The following RERE variants were observed in gnomAD, a reference collection of about 807,000 sequenced individuals.
The protein encoded by RERE is arginine-glutamic acid dipeptide repeats.
In RERE, 40 loss-of-function variants were observed where a neutral mutation model predicts 146.1. That is an observed-to-expected ratio of 0.27 (90% CI 0.21 to 0.36). The LOEUF is 0.36. Among genes scored for constraint, RERE ranks in the 10% least tolerant of loss-of-function variants. The pLI, the probability that RERE is intolerant of heterozygous loss-of-function variation, is 1.00. For synonymous variants in RERE, 1,003 were observed against 866.0 expected (o/e 1.16, Z -2.78); for missense variants, 1,933 against 2,138.7 (o/e 0.90, Z 1.90).
chr1:8,656,261 T>C lies in RERE; in HGVS notation c.37A>G (p.Lys13Glu), dbSNP rs1638294254. Residue 13 changes from lysine (K) to glutamate (E), a missense_variant, in exon 2 of 23, where the codon AAG becomes GAG. Lys to Glu is a moderately conservative substitution (Grantham distance 56). Transcript: ENST00000400908. Reference sequence around the variant, plus strand: ...CGGTCCCGGTCTCGGTCCCGGTCCTTCTCTTTGTCTTTGTCTTTGTCTTTG... The same window carrying C: ...CGGTCCCGGTCTCGGTCCCGGTCCTCCTCTTTGTCTTTGTCTTTGTCTTTG... ...ADKDKDKDKE[K>E]DRDRDRDRER... is the part of the protein sequence containing the mutation. 2 of 1,602,728 alleles carry C rather than the reference T, an allele frequency of 1.2e-6. No homozygotes were observed. Among genetic ancestry groups the C allele is most frequent in the Admixed American group, 1.7e-5 (1 of 59,824 alleles).
chr1:8,381,318 T>C (rs1418237460), intron 12 of RERE, among the ~76,000 whole-genome samples: 2 of 152,148 alleles, frequency 1.3e-5, no homozygotes, highest in Non-Finnish European at 1.5e-5. Context: ...CCTTGTAACC[T>C]GCGCAATCAT....
At chr1:8,424,463 C>T (rs906586520) in intron 11 of RERE, among the ~76,000 whole-genome samples, 2 of 152,208 alleles carry the variant, frequency 1.3e-5, no homozygotes, top group African/African-American at 4.8e-5. Flanking sequence ...TGAGATATGA[C>T]TCATCATTGT....
At chr1:8,368,929 G>A (rs1641922646) in intron 12 of RERE, among the ~76,000 whole-genome samples, 1 of 152,034 alleles carries the variant, frequency 6.6e-6, no homozygotes, top group South Asian at 2.1e-4. Flanking sequence ...TCTGGGCATG[G>A]TGGTGTGCAC....
intron 3 of RERE, among the ~76,000 whole-genome samples, chr1:8,616,189 G>A (rs114151643): frequency 0.015 from 2,320 of 152,266 alleles, 61 homozygotes; most frequent in African/African-American, 0.053. Flanking sequence ...CAAATTAAGG[G>A]TTTTAAATCA....
At chr1:8,752,840 C>T (rs1470579255) in intron 1 of RERE, among the ~76,000 whole-genome samples, 1 of 151,890 alleles carries the variant, frequency 6.6e-6, no homozygotes, top group Non-Finnish European at 1.5e-5. Context: ...TATTACATTA[C>T]AAAGAAAAAT....
intron 19 of RERE, among the ~76,000 whole-genome samples, chr1:8,359,490 AG>A (rs1446493568): frequency 6.6e-6 from 1 of 152,196 alleles, no homozygotes; most frequent in Non-Finnish European, 1.5e-5. Context: ...AGGCTGCAGG[AG>A]AAGGACAGGC....
chr1:8,574,340 C>CTTTTTTTTTTTTTTTT (rs35921166), intron 4 of RERE, among the ~76,000 whole-genome samples: 1 of 87,218 alleles, frequency 1.1e-5, no homozygotes, highest in African/African-American at 4.7e-5. Flanking sequence ...TATATATAGT[C>CTTTTTTTTTTTTTTTT]TTTTTTTTTT....
chr1:8,365,691 A>G, intron 13 of RERE, 121 bp downstream of exon 13: 1 of 1,108,504 alleles, frequency 9.0e-7, no homozygotes, highest in African/African-American at 1.6e-5. Flanking sequence ...CATGCACTGG[A>G]GCACGGGTGC....
At chr1:8,757,442 C>T (rs1463461179) in intron 1 of RERE, among the ~76,000 whole-genome samples, 1 of 152,174 alleles carries the variant, frequency 6.6e-6, no homozygotes, top group African/African-American at 2.4e-5. Context: ...TACTGCATCA[C>T]TAATGTAATA....
Position 8,455,955 on chromosome 1 carries a change from G to C in RERE, c.1203+9970C>G, listed in dbSNP as rs1049248508. On this transcript the variant is annotated intron_variant, in intron 11 of 22. Coordinates refer to ENST00000400908, the MANE Select transcript of RERE (RefSeq NM_001042681.2). ...CTCAGAAGAACGAGTGTTGGGGAAAGAAGAATATCAGAACACTACTAGGGA... is the reference window on the plus strand; with the variant it reads ...CTCAGAAGAACGAGTGTTGGGGAAACAAGAATATCAGAACACTACTAGGGA... 1.3e-4 allele frequency among the ~76,000 whole-genome samples: 20 copies of C among 152,296 alleles called. No homozygotes were observed. In the South Asian group the frequency reaches 1.9e-3, roughly 14 times the overall value.
intron 4 of RERE, among the ~76,000 whole-genome samples, chr1:8,560,597 T>C (rs1053525609): frequency 6.6e-6 from 1 of 152,178 alleles, no homozygotes; most frequent in African/African-American, 2.4e-5. Context: ...TCCCCTTTTC[T>C]GTAAAAAGGA....
At chr1:8,744,557 T>A (rs964307263) in intron 1 of RERE, among the ~76,000 whole-genome samples, 4 of 152,160 alleles carry the variant, frequency 2.6e-5, no homozygotes, top group Non-Finnish European at 5.9e-5. Context: ...ATAGAAAAAG[T>A]ATACCAACCA....
chr1:8,610,450 A>G (rs777911364), intron 4 of RERE, among the ~76,000 whole-genome samples: 3 of 152,042 alleles, frequency 2.0e-5, no homozygotes, highest in Non-Finnish European at 2.9e-5. Flanking sequence ...TTAGCCAGGC[A>G]TGGTGGTGGA....
intron 1 of RERE, among the ~76,000 whole-genome samples, chr1:8,769,294 T>C (rs1024367959): frequency 2.0e-5 from 3 of 152,016 alleles, no homozygotes. Context: ...TATAGAAGAT[T>C]TAAAATACTG....
chr1:8,359,650 A>G, intron 19 of RERE, 114 bp downstream of exon 19: 1 of 1,170,502 alleles, frequency 8.5e-7, no homozygotes, highest in East Asian at 2.3e-5. Flanking sequence ...CCAACCCTCT[A>G]GCTGCCAGGA....
chr1:8,760,119 G>C (rs553383034), intron 1 of RERE, among the ~76,000 whole-genome samples: 1 of 151,958 alleles, frequency 6.6e-6, no homozygotes, highest in African/African-American at 2.4e-5. Context: ...TCTGCCTCCC[G>C]GGTTCAAGCA....
intron 1 of RERE, among the ~76,000 whole-genome samples, chr1:8,783,150 A>G (rs1412444758): frequency 6.6e-6 from 1 of 152,150 alleles, no homozygotes; most frequent in East Asian, 1.9e-4. Context: ...CCTGGGCAAC[A>G]TAGTGAGACC....
chr1:8,564,903 TA>T (rs1420541243), intron 4 of RERE, among the ~76,000 whole-genome samples: 22 of 149,660 alleles, frequency 1.5e-4, no homozygotes, highest in Admixed American at 1.4e-3. Flanking sequence ...ATTCAGTCTT[TA>T]AAAAGAAGAC....
chr1:8,693,607 T>C (rs369000866), intron 1 of RERE, among the ~76,000 whole-genome samples: 1 of 151,990 alleles, frequency 6.6e-6, no homozygotes. Flanking sequence ...GAGGGATGAA[T>C]AGGGAGAACA....
Sources: allele counts gnomAD v4.1 joint callset (sites outside exome capture counted in the v4.1 genomes callset), GRCh38; gene constraint gnomAD v4.1.1; transcripts MANE v1.5; gene names NCBI Gene and HGNC (gene_info 2026-07-23, HGNC 2026-07-21).